Variants in ULK4 observed in about 807,000 individuals in gnomAD.
ULK4 encodes inactive serine/threonine-protein kinase ULK4.
Under a neutral mutation model 160.6 loss-of-function variants are expected in ULK4, and 133 were observed. That is an observed-to-expected ratio of 0.83 (90% CI 0.72 to 0.96). ULK4 has a LOEUF of 0.96. Ranked by LOEUF, ULK4 falls within the 40% of genes least tolerant of loss-of-function variation. The pLI, the probability that ULK4 is intolerant of heterozygous loss-of-function variation, is 0.00. For synonymous variants in ULK4, 534 were observed against 539.8 expected (o/e 0.99, Z 0.15); for missense variants, 1,580 against 1,499.5 (o/e 1.05, Z -0.89).
chr3:41,394,611 T>C (rs963474029), intron 35 of ULK4, among the ~76,000 whole-genome samples: 3 of 152,004 alleles, frequency 2.0e-5, no homozygotes, highest in Non-Finnish European at 2.9e-5. Flanking sequence ...GTATGGGTAC[T>C]TGAAATATAC....
chr3:41,616,284 T>C (rs2032958692), intron 30 of ULK4, among the ~76,000 whole-genome samples: 1 of 152,196 alleles, frequency 6.6e-6, no homozygotes, highest in African/African-American at 2.4e-5. Context: ...ACAGCCTTGG[T>C]AAAACCTAAA....
At chr3:41,284,664 A>G (rs905591768) in intron 35 of ULK4, among the ~76,000 whole-genome samples, 2 of 152,170 alleles carry the variant, frequency 1.3e-5, no homozygotes, top group South Asian at 2.1e-4. Context: ...ATTAGAAAAA[A>G]CCATTCTAGA....
chr3:41,480,500 C>A (rs979314988), intron 32 of ULK4, among the ~76,000 whole-genome samples: 1 of 152,180 alleles, frequency 6.6e-6, no homozygotes, highest in Admixed American at 6.5e-5. Context: ...TCTTCCCTGT[C>A]CTCCTCAGTC....
chr3:41,528,102 T>C (rs2086181457), intron 32 of ULK4, among the ~76,000 whole-genome samples: 1 of 152,210 alleles, frequency 6.6e-6, no homozygotes, highest in African/African-American at 2.4e-5. Context: ...GAATTTCAAA[T>C]CTCTACATTT....
chr3:41,911,895 G>T (rs1209544030), intron 9 of ULK4, among the ~76,000 whole-genome samples: 1 of 152,106 alleles, frequency 6.6e-6, no homozygotes, highest in African/African-American at 2.4e-5. Flanking sequence ...GTACACACCT[G>T]TAATCCCCGC....
intron 20 of ULK4, among the ~76,000 whole-genome samples, chr3:41,796,242 G>T (rs1327296977): frequency 6.6e-6 from 1 of 152,100 alleles, no homozygotes; most frequent in Non-Finnish European, 1.5e-5. Flanking sequence ...AGTATATTGA[G>T]AATAATGAGA....
rs555826689 is a variant in ULK4 at position 41,893,559 on chromosome 3, T to C, written c.1577+1959A>G. ...TATCCATCTGTTCTAATTCTACAAA[T>C]CTTCCCTAAAGAGAAAAAGAAAAAG... On this transcript the variant is annotated intron_variant, in intron 16 of 36. Transcript: ENST00000301831. Among the ~76,000 whole-genome samples the C allele has an allele frequency of 1.3e-5, 2 of 152,204 alleles. 1 individual carries two copies. The highest frequency in any genetic ancestry group is 4.1e-4 in the South Asian group (2 of 4,832).
intron 35 of ULK4, among the ~76,000 whole-genome samples, chr3:41,381,192 G>A (rs948997664): frequency 1.3e-5 from 2 of 152,170 alleles, no homozygotes; most frequent in Non-Finnish European, 2.9e-5. Context: ...AGTCCATAGA[G>A]AGGGTCCTTC....
At chr3:41,890,034 T>C (rs1271262326) in intron 16 of ULK4, among the ~76,000 whole-genome samples, 1 of 152,228 alleles carries the variant, frequency 6.6e-6, no homozygotes, top group African/African-American at 2.4e-5. Flanking sequence ...TCCATTTATA[T>C]GAAATATCAA....
intron 2 of ULK4, among the ~76,000 whole-genome samples, chr3:41,953,255 C>CAT (rs1369597309): frequency 1.5e-5 from 2 of 131,364 alleles, no homozygotes; most frequent in Non-Finnish European, 3.2e-5. Flanking sequence ...TATACACATA[C>CAT]ATATATATAC....
intron 4 of ULK4, among the ~76,000 whole-genome samples, chr3:41,932,582 C>A (rs1699637112): frequency 6.6e-6 from 1 of 152,208 alleles, no homozygotes; most frequent in South Asian, 2.1e-4. Flanking sequence ...GGGTTTGTAA[C>A]AGTCACTGGC....
At chr3:41,646,115 C>T (rs1208519610) in intron 30 of ULK4, among the ~76,000 whole-genome samples, 1 of 152,186 alleles carries the variant, frequency 6.6e-6, no homozygotes, top group Admixed American at 6.5e-5. Flanking sequence ...CTCCTGAATA[C>T]AGCACACTGA....
chr3:41,780,936 AAAGGTTT>A (rs1352216135), intron 21 of ULK4, among the ~76,000 whole-genome samples: 1 of 152,180 alleles, frequency 6.6e-6, no homozygotes, highest in African/African-American at 2.4e-5. Context: ...AAGGGGAAGG[AAAGGTTT>A]TGTTAACCCT....
intron 30 of ULK4, among the ~76,000 whole-genome samples, chr3:41,629,927 G>A (rs1189388084): frequency 2.6e-5 from 4 of 152,182 alleles, no homozygotes; most frequent in Non-Finnish European, 5.9e-5. Flanking sequence ...AGCCCAGGGA[G>A]GTCAAAGTTG....
chr3:41,812,286 A>C (rs1559572142), intron 19 of ULK4, among the ~76,000 whole-genome samples: 1 of 152,174 alleles, frequency 6.6e-6, no homozygotes, highest in African/African-American at 2.4e-5. Context: ...CCCTGTCTCA[A>C]AAACAAACAA....
intron 35 of ULK4, among the ~76,000 whole-genome samples, chr3:41,353,746 AC>A (rs2080971191): frequency 6.8e-6 from 1 of 146,660 alleles, no homozygotes; most frequent in South Asian, 2.2e-4. Flanking sequence ...TACTACTACT[AC>A]TACTAAAGCA....
At position 41,961,550 on chromosome 3, in the gene ULK4, A is replaced by ACCCCTCCCCCCCCCCCCC. The variant is rs57463009; in HGVS notation, c.-49+465_-49+466insGGGGGGGGGGGGGAGGGG. ...ACTCAGGGGCGCTACGTAGTCACTC[A>ACCCCTCCCCCCCCCCCCC]CCCCCCCCCCCCCCCCCCCCGCTCC... On this transcript the variant is annotated intron_variant, in intron 1 of 36. Transcript: ENST00000301831. 1.0e-4 allele frequency among the ~76,000 whole-genome samples: 13 copies of ACCCCTCCCCCCCCCCCCC among 124,708 alleles called. 2 individuals carry two copies. Among genetic ancestry groups the ACCCCTCCCCCCCCCCCCC allele is most frequent in the Admixed American group, 2.2e-4 (3 of 13,508 alleles). The allele number at this position is 124,708 out of a possible 152,430, so 81.8% of individuals were successfully genotyped here.
At chr3:41,543,752 A>G (rs1414545669) in intron 32 of ULK4, among the ~76,000 whole-genome samples, 1 of 152,098 alleles carries the variant, frequency 6.6e-6, no homozygotes, top group Non-Finnish European at 1.5e-5. Context: ...GTCAAAAGTG[A>G]TGACTTATTT....
At chr3:41,841,554 G>A (rs144045919) in intron 17 of ULK4, among the ~76,000 whole-genome samples, 6,505 of 151,850 alleles carry the variant, frequency 0.043, 427 homozygotes, top group African/African-American at 0.15. Context: ...GAGGTGGGGA[G>A]CACCTCTGCC....
Sources: gnomAD v4.1 joint callset for allele counts (sites outside exome capture counted in the v4.1 genomes callset) on GRCh38, gnomAD v4.1.1 for gene constraint, MANE v1.5 for transcripts, NCBI Gene and HGNC (gene_info 2026-07-23, HGNC 2026-07-21) for gene names.